Variants in PDZRN4 observed in about 807,000 individuals in gnomAD.
PDZRN4 encodes PDZ domain-containing RING finger protein 4.
Under a neutral mutation model 99.0 loss-of-function variants are expected in PDZRN4, and 70 were observed. That is an observed-to-expected ratio of 0.71 (90% CI 0.58 to 0.86). The LOEUF (loss-of-function observed/expected upper bound fraction) is 0.86, where lower values mean the gene tolerates loss of function less well. PDZRN4 is among the 40% of genes least tolerant of loss of function. The pLI is 0.00. For synonymous variants in PDZRN4, 551 were observed against 501.6 expected (o/e 1.10, Z -1.32); for missense variants, 1,474 against 1,331.2 (o/e 1.11, Z -1.67).
At chr12:41,454,589 G>A (rs1952802975) in intron 3 of PDZRN4, among the ~76,000 whole-genome samples, 1 of 152,226 alleles carries the variant, frequency 6.6e-6, no homozygotes, top group South Asian at 2.1e-4. Flanking sequence ...TCCCTTGAGG[G>A]AGACAGGAAA....
At chr12:41,407,870 G>A (rs940558784) in intron 3 of PDZRN4, among the ~76,000 whole-genome samples, 4 of 152,132 alleles carry the variant, frequency 2.6e-5, no homozygotes, top group Non-Finnish European at 5.9e-5. Flanking sequence ...AACGTAAAAG[G>A]CATTTTTCTT....
At chr12:41,550,335 G>A (rs559420230) in intron 5 of PDZRN4, among the ~76,000 whole-genome samples, 48 of 152,212 alleles carry the variant, frequency 3.2e-4, no homozygotes, top group African/African-American at 1.1e-3. Flanking sequence ...ATCTCAGCTC[G>A]TTTTGGAGTG....
intron 3 of PDZRN4, among the ~76,000 whole-genome samples, chr12:41,360,939 AGTGTGTGT>A (rs10522706): frequency 0.017 from 2,600 of 150,296 alleles, 38 homozygotes; most frequent in East Asian, 0.099. Context: ...GAATAAGTAA[AGTGTGTGT>A]GTGTGTGTGT....
Position 41,379,967 on chromosome 12 carries a change from G to T in PDZRN4, c.844-126489G>T, listed in dbSNP as rs578167784. On this transcript the variant is annotated intron_variant, in intron 3 of 9. Transcript: ENST00000402685. Reference sequence around the variant, plus strand: ...TAAAATTTCCTACTATTATAAAATTGCTATTTATGTCTCCTTTCAGTTCTG... The same window carrying T: ...TAAAATTTCCTACTATTATAAAATTTCTATTTATGTCTCCTTTCAGTTCTG... 3.9e-5 allele frequency among the ~76,000 whole-genome samples: 6 copies of T among 151,940 alleles called. 2 individuals carry two copies. Among genetic ancestry groups the T allele is most frequent in the African/African-American group, 1.4e-4 (6 of 41,484 alleles).
At position 41,506,487 on chromosome 12, in the gene PDZRN4, A is replaced by G; in HGVS notation, c.875A>G (p.His292Arg). The change falls in exon 4 of 10, where the codon CAT (histidine) becomes CGT (arginine). Residue 292 changes from histidine to arginine, a missense_variant. Physicochemically the swap from His to Arg is conservative, Grantham distance 29. Transcript: ENST00000402685. ...GGGAAGGATCTTTCAAAGGCCACTC[A>G]TGAAGAGGCAGTGGAAGCTTTTCGC... is the stretch of plus-strand genomic sequence containing the variant. The part of the protein sequence containing the change: ...VNGKDLSKAT[H>R]EEAVEAFRNA... 1 of 1,613,510 alleles carries G rather than the reference A, an allele frequency of 6.2e-7. No individual in the cohort carries two copies. The highest frequency in any genetic ancestry group is 8.5e-7 in the Non-Finnish European group (1 of 1,179,660).
At chr12:41,488,243 T>C (rs1937813494) in intron 3 of PDZRN4, among the ~76,000 whole-genome samples, 1 of 152,180 alleles carries the variant, frequency 6.6e-6, no homozygotes, top group East Asian at 1.9e-4. Flanking sequence ...GCAGAGCATT[T>C]GTAGAAGAGC....
Position 41,573,116 on chromosome 12 carries a change from C to A in PDZRN4, c.2337C>A (p.Thr779=). Residue 779 remains threonine (T), a synonymous_variant, in exon 10 of 10, where the codon ACC becomes ACA. Coordinates refer to ENST00000402685, the MANE Select transcript of PDZRN4 (RefSeq NM_001164595.2). The part of the protein sequence containing the change: ...KKNLRSTMAA[T]QSSSGQSSKE... The stretch of plus-strand genomic sequence containing the variant: ...ACCTGAGAAGCACAATGGCAGCCAC[C>A]CAGTCCTCTTCCGGACAGAGCAGTA... 1 of 1,614,128 alleles carries A rather than the reference C, an allele frequency of 6.2e-7. No individual in the cohort carries two copies. Among genetic ancestry groups the A allele is most frequent in the Non-Finnish European group, 8.5e-7 (1 of 1,180,022 alleles).
intron 3 of PDZRN4, among the ~76,000 whole-genome samples, chr12:41,317,049 T>TATAC (rs1555128887): frequency 0.036 from 717 of 19,646 alleles, 29 homozygotes; most frequent in African/African-American, 0.11. Context: ...TTACATAAAG[T>TATAC]ATATATATAT....
chr12:41,496,280 C>A (rs1428787872), intron 3 of PDZRN4, among the ~76,000 whole-genome samples: 9 of 152,086 alleles, frequency 5.9e-5, no homozygotes, highest in Non-Finnish European at 1.0e-4. Flanking sequence ...GTAGCCTCAT[C>A]TCTGTCACTC....
intron 3 of PDZRN4, among the ~76,000 whole-genome samples, chr12:41,267,643 A>G (rs1045928811): frequency 5.3e-5 from 8 of 150,484 alleles, no homozygotes; most frequent in Non-Finnish European, 1.2e-4. Context: ...AGCCTCGCCA[A>G]CATAATGAAA....
chr12:41,270,959 A>G (rs1051587407), intron 3 of PDZRN4, among the ~76,000 whole-genome samples: 3 of 152,120 alleles, frequency 2.0e-5, no homozygotes, highest in African/African-American at 7.2e-5. Context: ...TTAAAATGTC[A>G]AAACTTAATT....
chr12:41,297,563 TA>T (rs1454108220), intron 3 of PDZRN4, among the ~76,000 whole-genome samples: 1 of 152,158 alleles, frequency 6.6e-6, no homozygotes, highest in African/African-American at 2.4e-5. Flanking sequence ...GGGCAGACAG[TA>T]AACTAGTGCT....
rs150994174 is a variant in PDZRN4 at position 41,388,546 on chromosome 12, T to C, written c.844-117910T>C. Among the ~76,000 whole-genome samples, 746 of 152,282 alleles carry C rather than the reference T, an allele frequency of 4.9e-3. 6 individuals carry two copies. Among genetic ancestry groups the C allele is most frequent in the Non-Finnish European group, 8.1e-3 (550 of 68,014 alleles). On this transcript the variant is annotated intron_variant, in intron 3 of 9. Coordinates refer to ENST00000402685, the MANE Select transcript of PDZRN4 (RefSeq NM_001164595.2). ...GATATCTGCTTTACCTTTTTCTAAT[T>C]TGATTGCTGTTTTGAGAATAGACTG...
At chr12:41,414,863 A>G (rs1952430957) in intron 3 of PDZRN4, among the ~76,000 whole-genome samples, 2 of 152,178 alleles carry the variant, frequency 1.3e-5, no homozygotes, top group African/African-American at 4.8e-5. Flanking sequence ...TACAAGACAA[A>G]GAGAAGCGTT....
intron 3 of PDZRN4, among the ~76,000 whole-genome samples, chr12:41,438,866 C>A (rs1337021684): frequency 1.3e-5 from 2 of 152,134 alleles, no homozygotes; most frequent in Non-Finnish European, 2.9e-5. Context: ...TTTATTTCTC[C>A]CTTCTTCCAG....
chr12:41,556,968 G>A (rs1006211207), intron 7 of PDZRN4, among the ~76,000 whole-genome samples: 2 of 151,926 alleles, frequency 1.3e-5, no homozygotes, highest in Non-Finnish European at 2.9e-5. Context: ...TGGCCAACAT[G>A]GTGAAACCCT....
At chr12:41,390,298 TATTA>T (rs1952200718) in intron 3 of PDZRN4, among the ~76,000 whole-genome samples, 1 of 152,132 alleles carries the variant, frequency 6.6e-6, no homozygotes, top group African/African-American at 2.4e-5. Flanking sequence ...TTCAAATGAA[TATTA>T]ATTGTTTCTT....
At position 41,573,790 on chromosome 12, in the gene PDZRN4, T is replaced by G; in HGVS notation, c.3011T>G (p.Leu1004Trp). 6.2e-7 allele frequency: 1 copy of G among 1,613,690 alleles called. No individual in the cohort carries two copies. The highest frequency in any genetic ancestry group is 1.3e-5 in the African/African-American group (1 of 74,960). Residue 1004 changes from leucine (L) to tryptophan (W), a missense_variant, in exon 10 of 10, where the codon TTG becomes TGG. By Grantham distance (61) the Leu-to-Trp change is moderately conservative (BLOSUM62 -2). Coordinates refer to ENST00000402685, the MANE Select transcript of PDZRN4 (RefSeq NM_001164595.2). ...ATGAAAAAGAGAAACAAGAAAATTTTGGACAACTGGATGACAATCCAAGAA... is the reference window on the plus strand; with the variant it reads ...ATGAAAAAGAGAAACAAGAAAATTTGGGACAACTGGATGACAATCCAAGAA... Reference protein sequence around the residue: ...KMMKKRNKKILDNWMTIQELM... With the variant: ...KMMKKRNKKIWDNWMTIQELM...
At chr12:41,206,433 A>T (rs1473421012) in intron 3 of PDZRN4, among the ~76,000 whole-genome samples, 1 of 151,758 alleles carries the variant, frequency 6.6e-6, no homozygotes, top group Non-Finnish European at 1.5e-5. Context: ...TAATGAAGTT[A>T]AATAAATCTT....
Sources: allele counts gnomAD v4.1 joint callset (sites outside exome capture counted in the v4.1 genomes callset), GRCh38; gene constraint gnomAD v4.1.1; transcripts MANE v1.5; gene names NCBI Gene and HGNC (gene_info 2026-07-23, HGNC 2026-07-21).